The following YWHAQ variants were observed in gnomAD, a reference collection of about 807,000 sequenced individuals.
YWHAQ encodes 14-3-3 protein theta.
A neutral mutation model predicts 28.3 loss-of-function variants in YWHAQ; 6 were observed. The observed-to-expected ratio is 0.21, with a 90% confidence interval of 0.12 to 0.42. The LOEUF is 0.42. Ranked by LOEUF, YWHAQ falls within the 10% of genes least tolerant of loss-of-function variation. The probability of loss-of-function intolerance (pLI) is 1.00; values close to 1 mark genes in which losing one functional copy is unlikely to be tolerated. For synonymous variants in YWHAQ, 143 were observed against 119.1 expected, an observed-to-expected ratio of 1.20 and a Z score of -1.31; for missense variants, 201 against 305.6, an observed-to-expected ratio of 0.66 and a Z score of 2.55.
At chr2:9,604,148 G>A (rs1242008505) in intron 2 of YWHAQ, among the ~76,000 whole-genome samples, 2 of 151,968 alleles carry the variant, frequency 1.3e-5, no homozygotes, top group African/African-American at 2.4e-5. Context: ...CTGAGAGAAC[G>A]GGTATATACA....
chr2:9,610,438 T>C (rs958238479), intron 2 of YWHAQ, among the ~76,000 whole-genome samples: 1 of 152,210 alleles, frequency 6.6e-6, no homozygotes, highest in Non-Finnish European at 1.5e-5. Context: ...ATGACACAAA[T>C]CTTTCTCTTA....
intron 2 of YWHAQ, among the ~76,000 whole-genome samples, chr2:9,627,799 A>G (rs572065162): frequency 6.6e-6 from 1 of 151,950 alleles, no homozygotes; most frequent in African/African-American, 2.4e-5. Flanking sequence ...CTGCACATGA[A>G]CTCTGCTCCA....
chr2:9,623,725 T>C (rs1428025516), intron 2 of YWHAQ, among the ~76,000 whole-genome samples: 3 of 152,084 alleles, frequency 2.0e-5, no homozygotes, highest in Non-Finnish European at 2.9e-5. Flanking sequence ...TGAACCAAGA[T>C]TGCGCCACTG....
chr2:9,589,575 C>T (rs558662094), intron 3 of YWHAQ, among the ~76,000 whole-genome samples: 2 of 152,078 alleles, frequency 1.3e-5, no homozygotes, highest in South Asian at 2.1e-4. Flanking sequence ...AAGAGCAAAA[C>T]TCCATTCAAA....
chr2:9,596,393 T>G (rs1666570615), intron 2 of YWHAQ, among the ~76,000 whole-genome samples: 1 of 152,242 alleles, frequency 6.6e-6, no homozygotes. Context: ...CTTTTAATTC[T>G]AAATTCATTT....
At chr2:9,595,135 G>C (rs1666544860) in intron 2 of YWHAQ, among the ~76,000 whole-genome samples, 1 of 152,142 alleles carries the variant, frequency 6.6e-6, no homozygotes. Context: ...CTAGCTCTCT[G>C]TGAAGGAAAC....
intron 2 of YWHAQ, among the ~76,000 whole-genome samples, chr2:9,602,050 T>A (rs1264576149): frequency 6.6e-6 from 1 of 152,170 alleles, no homozygotes; most frequent in Non-Finnish European, 1.5e-5. Context: ...TGCCAAAAAA[T>A]AAAGCAACTT....
chr2:9,613,957 G>C (rs11902264), intron 2 of YWHAQ, among the ~76,000 whole-genome samples: 88,713 of 152,096 alleles, frequency 0.58, 28,163 homozygotes, highest in African/African-American at 0.8. Flanking sequence ...TAAGGGTATG[G>C]GTGAGCTGCA....
rs780502121 is a variant in YWHAQ, at chr2:9,588,264, T to C, written c.483A>G (p.Gln161=). ...EAFDISKKEM[Q]PTHPIRLGLA... is the part of the protein sequence containing the mutation. ...GCCCCAGGCGGATTGGGTGTGTGGG[T>C]TGCATCTCTTTCTTGCTTATATCAA... Residue 161 remains glutamine, a synonymous_variant, in exon 4 of 6, where the codon CAA becomes CAG. Coordinates refer to ENST00000238081, the MANE Select transcript of YWHAQ (RefSeq NM_006826.4). The C allele has an allele frequency of 1.4e-5, 22 of 1,609,756 alleles. No homozygotes were observed. The highest frequency in any genetic ancestry group is 6.7e-5 in the East Asian group (3 of 44,818).
Position 9,584,871 on chromosome 2 carries a change from G to GT in YWHAQ, c.*414dup, listed in dbSNP as rs759457637. 11 of 169,876 alleles carry GT rather than the reference G, an allele frequency of 6.5e-5. No individual in the cohort carries two copies. The highest frequency in any genetic ancestry group is 1.3e-4 in the Non-Finnish European group (10 of 78,566). 10.5% of individuals were successfully genotyped at this position (169,876 alleles called of 1,614,324 possible). ...CTTACTGAAAGGAAACCCCCGAAGA[G>GT]TAAGGGAGGGAATGTAGAAATTAAG... is the stretch of plus-strand genomic sequence containing the variant. On this transcript the variant is annotated 3_prime_UTR_variant, in exon 6 of 6. Coordinates refer to ENST00000238081, the MANE Select transcript of YWHAQ (RefSeq NM_006826.4).
chr2:9,590,882 T>A (rs2125062699), intron 3 of YWHAQ, among the ~76,000 whole-genome samples: 1 of 152,326 alleles, frequency 6.6e-6, no homozygotes, highest in Admixed American at 6.5e-5. Flanking sequence ...ACACACTCAT[T>A]TCACCTCTCC....
At chr2:9,618,015 T>C (rs981419834) in intron 2 of YWHAQ, among the ~76,000 whole-genome samples, 14 of 151,962 alleles carry the variant, frequency 9.2e-5, no homozygotes, top group African/African-American at 3.4e-4. Context: ...CACAAAACAC[T>C]ACATATTATA....
chr2:9,593,929 C>CAT (rs1666514241), intron 2 of YWHAQ, among the ~76,000 whole-genome samples: 6 of 146,642 alleles, frequency 4.1e-5, no homozygotes, highest in Non-Finnish European at 9.0e-5. Context: ...TATATACACA[C>CAT]ACACACACAC....
intron 2 of YWHAQ, among the ~76,000 whole-genome samples, chr2:9,610,617 T>G (rs1012957180): frequency 6.6e-5 from 10 of 152,142 alleles, no homozygotes; most frequent in African/African-American, 2.4e-4. Flanking sequence ...CAAACGATTC[T>G]CCTGCCTCAG....
At chr2:9,591,065 A>C (rs1666445921) in intron 3 of YWHAQ, among the ~76,000 whole-genome samples, 1 of 152,208 alleles carries the variant, frequency 6.6e-6, no homozygotes, top group Non-Finnish European at 1.5e-5. Flanking sequence ...ATGCAGAATC[A>C]CTCATAAAGT....
At chr2:9,608,221 A>G (rs995423891) in intron 2 of YWHAQ, among the ~76,000 whole-genome samples, 2 of 152,202 alleles carry the variant, frequency 1.3e-5, no homozygotes, top group Admixed American at 1.3e-4. Context: ...CTAAGTAGAA[A>G]TACTTTAAAT....
At chr2:9,587,384 A>T (rs768142358) in intron 5 of YWHAQ, 30 bp downstream of exon 5, 1 of 1,570,682 alleles carries the variant, frequency 6.4e-7, no homozygotes, top group East Asian at 2.2e-5. Context: ...TTCTGAAAAG[A>T]AAATAAAATT....
intron 2 of YWHAQ, among the ~76,000 whole-genome samples, chr2:9,618,850 A>G (rs1667086995): frequency 6.6e-6 from 1 of 152,128 alleles, no homozygotes; most frequent in Non-Finnish European, 1.5e-5. Flanking sequence ...ACAAACAAAA[A>G]TAACACACTA....
intron 2 of YWHAQ, among the ~76,000 whole-genome samples, chr2:9,591,849 A>G (rs1446314639): frequency 1.3e-5 from 2 of 152,244 alleles, no homozygotes; most frequent in Non-Finnish European, 2.9e-5. Context: ...TAACGGATAT[A>G]GAGAAGACTT....
Sources: gnomAD v4.1 joint callset for allele counts (sites outside exome capture counted in the v4.1 genomes callset) on GRCh38, gnomAD v4.1.1 for gene constraint, MANE v1.5 for transcripts, NCBI Gene and HGNC (gene_info 2026-07-23, HGNC 2026-07-21) for gene names.